The following CRB1 variants were observed in gnomAD, a reference collection of about 807,000 sequenced individuals.
The protein encoded by CRB1 is protein crumbs homolog 1.
A neutral mutation model predicts 120.0 loss-of-function variants in CRB1; 83 were observed. That is an observed-to-expected ratio of 0.69 (90% CI 0.58 to 0.83). The LOEUF (loss-of-function observed/expected upper bound fraction) is 0.83, where lower values mean the gene tolerates loss of function less well. Among genes scored for constraint, CRB1 ranks in the 40% least tolerant of loss-of-function variants. The probability of loss-of-function intolerance (pLI) is 0.00; values close to 1 mark genes in which losing one functional copy is unlikely to be tolerated. For synonymous variants in CRB1, 625 were observed against 612.5 expected, an observed-to-expected ratio of 1.02 and a Z score of -0.30; for missense variants, 1,699 against 1,687.6, an observed-to-expected ratio of 1.01 and a Z score of -0.12.
rs866875342 is a variant in CRB1 at position 197,421,200 on chromosome 1, C to T, written c.1372C>T (p.Pro458Ser). The change falls in exon 6 of 12, where the codon CCT (proline) becomes TCT (serine). Residue 458 changes from proline to serine, a missense_variant. By Grantham distance (74) the Pro-to-Ser change is moderately conservative. Coordinates refer to ENST00000367400, the MANE Select transcript of CRB1 (RefSeq NM_201253.3). ...ATGTCTAAATAATGGAACATGCATC[C>T]CTCACTTCCAAGATGGCCAGCATGG... Reference protein sequence around the residue: ...QQCLNNGTCIPHFQDGQHGFS... With the variant: ...QQCLNNGTCISHFQDGQHGFS... 1 of 1,614,070 alleles carries T rather than the reference C, an allele frequency of 6.2e-7. No individual in the cohort carries two copies. Among genetic ancestry groups the T allele is most frequent in the African/African-American group, 1.3e-5 (1 of 74,926 alleles).
At chr1:197,353,808 T>TAAAA (rs1660247315) in intron 4 of CRB1, among the ~76,000 whole-genome samples, 4 of 108,142 alleles carry the variant, frequency 3.7e-5, no homozygotes, top group Non-Finnish European at 5.8e-5. Flanking sequence ...CTCAAAAATA[T>TAAAA]ATAAATAAAA....
At chr1:197,252,131 A>G in the CRB1 span, among the ~76,000 whole-genome samples, 1 of 151,882 alleles carries the variant, frequency 6.6e-6, no homozygotes, top group Non-Finnish European at 1.5e-5. Context: ...TGTGGGCCCT[A>G]TGGTCTCTAC....
intron 5 of CRB1, among the ~76,000 whole-genome samples, chr1:197,365,299 T>G (rs1661000135): frequency 6.6e-6 from 1 of 152,166 alleles, no homozygotes; most frequent in African/African-American, 2.4e-5. Context: ...CTTCTCCCTG[T>G]CTCTGGGGGT....
At chr1:197,330,628 TCAAATATCACCCAA>T (rs1278146483) in intron 2 of CRB1, among the ~76,000 whole-genome samples, 3 of 152,226 alleles carry the variant, frequency 2.0e-5, no homozygotes, top group Non-Finnish European at 4.4e-5. Flanking sequence ...AAGACCTAGT[TCAAATATCACCCAA>T]CACAAGAAGT....
chr1:197,393,205 A>C (rs891605113), intron 5 of CRB1, among the ~76,000 whole-genome samples: 2 of 152,106 alleles, frequency 1.3e-5, no homozygotes, highest in Non-Finnish European at 2.9e-5. Flanking sequence ...CAGGACCAAA[A>C]AGTACCAAAA....
chr1:197,280,226 A>G (rs1411749762), intron 1 of CRB1, among the ~76,000 whole-genome samples: 2 of 151,864 alleles, frequency 1.3e-5, no homozygotes, highest in Non-Finnish European at 2.9e-5. Context: ...AAACTCTGCA[A>G]ACAGACTTTT....
rs1664643250 is a variant in CRB1 at position 197,427,460 on chromosome 1, T to C, written c.2135T>C (p.Val712Ala). The change falls in exon 7 of 12, where the codon GTG becomes GCG. Residue 712 changes from valine (V) to alanine (A), a missense_variant. Physicochemically the swap from Val to Ala is moderately conservative, Grantham distance 64 (BLOSUM62 0). Coordinates refer to ENST00000367400, the MANE Select transcript of CRB1 (RefSeq NM_201253.3). Reference sequence around the variant, plus strand: ...CTCTATTTTGACATTGAAGAGTATGTGGCAGGCAGATTTGGCCAGGATGAC... The same window carrying C: ...CTCTATTTTGACATTGAAGAGTATGCGGCAGGCAGATTTGGCCAGGATGAC... ...YEGPNCLREY[V>A]AGRFGQDDST... is the part of the protein sequence containing the mutation. The C allele has an allele frequency of 1.2e-6, 2 of 1,613,862 alleles. No individual in the cohort carries two copies. Among genetic ancestry groups the C allele is most frequent in the Non-Finnish European group, 1.7e-6 (2 of 1,179,870 alleles).
At position 197,328,616 on chromosome 1, in the gene CRB1, C is replaced by A; in HGVS notation, c.265C>A (p.Pro89Thr). The change falls in exon 2 of 12, where the codon CCA becomes ACA. Residue 89 changes from proline to threonine, a missense_variant. By Grantham distance (38) the Pro-to-Thr change is conservative. Coordinates refer to ENST00000367400, the MANE Select transcript of CRB1 (RefSeq NM_201253.3). Reference protein sequence around the residue: ...CQGSATCVNTPGERSFLCKCP... With the variant: ...CQGSATCVNTTGERSFLCKCP... ...AGGAAGTGCCACTTGTGTGAACACC[C>A]CAGGAGAAAGGAGCTTTCTGTGCAA... 1 of 1,614,174 alleles carries A rather than the reference C, an allele frequency of 6.2e-7. No homozygotes were observed. Among genetic ancestry groups the A allele is most frequent in the Non-Finnish European group, 8.5e-7 (1 of 1,180,024 alleles).
At chr1:197,318,710 T>C (rs1161606901) in intron 1 of CRB1, among the ~76,000 whole-genome samples, 2 of 152,214 alleles carry the variant, frequency 1.3e-5, no homozygotes, top group Non-Finnish European at 2.9e-5. Flanking sequence ...TGAACCTGGA[T>C]GACATTATGT....
chr1:197,466,149 C>G lies in CRB1; in HGVS notation c.4006-11515C>G, dbSNP rs145720198. ...TGGGACACAGCAGGAGTTGGCACTG[C>G]TACCATCTGGGGTATGTCCTACATT... On this transcript the variant is annotated intron_variant, in intron 11 of 11. Coordinates refer to ENST00000367400, the MANE Select transcript of CRB1 (RefSeq NM_201253.3). Among the ~76,000 whole-genome samples, 467 of 152,284 alleles carry G rather than the reference C, an allele frequency of 3.1e-3. 1 individual carries two copies. Among genetic ancestry groups the G allele is most frequent in the Non-Finnish European group, 4.3e-3 (295 of 68,020 alleles).
chr1:197,316,095 G>A (rs760110601), intron 1 of CRB1, among the ~76,000 whole-genome samples: 1 of 152,116 alleles, frequency 6.6e-6, no homozygotes, highest in Non-Finnish European at 1.5e-5. Flanking sequence ...GGGGACAGGG[G>A]TTTTAAACAT....
chr1:197,452,141 T>C lies in CRB1; in HGVS notation c.4005+9849T>C, dbSNP rs186862348. Among the ~76,000 whole-genome samples, 560 of 152,204 alleles carry C rather than the reference T, an allele frequency of 3.7e-3. 4 individuals are homozygous for C. The highest frequency in any genetic ancestry group is 0.012 in the African/African-American group (482 of 41,526). On this transcript the variant is annotated intron_variant, in intron 11 of 11. Coordinates refer to ENST00000367400, the MANE Select transcript of CRB1 (RefSeq NM_201253.3). The stretch of plus-strand genomic sequence containing the variant: ...CTAAAGCTCAGAGAGAGAGAGTGCT[T>C]TATTTAGACTCTACAAGTATCCCGG...
chr1:197,374,654 C>G (rs1185338377), intron 5 of CRB1, among the ~76,000 whole-genome samples: 1 of 152,176 alleles, frequency 6.6e-6, no homozygotes, highest in African/African-American at 2.4e-5. Context: ...GTTTTACATT[C>G]AATTTCACTT....
At chr1:197,456,071 A>G (rs985928030) in intron 11 of CRB1, among the ~76,000 whole-genome samples, 1 of 152,154 alleles carries the variant, frequency 6.6e-6, no homozygotes, top group African/African-American at 2.4e-5. Context: ...TGTTACTTTT[A>G]TCCACTTCCC....
the CRB1 span, among the ~76,000 whole-genome samples, chr1:197,203,600 T>G: frequency 3.9e-5 from 6 of 152,138 alleles, no homozygotes; most frequent in Admixed American, 2.0e-4. Context: ...GCTGGGATTA[T>G]AGGTGTGAGC....
At chr1:197,310,714 A>G (rs1465985355) in intron 1 of CRB1, among the ~76,000 whole-genome samples, 3 of 152,166 alleles carry the variant, frequency 2.0e-5, no homozygotes, top group South Asian at 2.1e-4. Flanking sequence ...AGCATATTCT[A>G]TCTGGTTCAC....
chr1:197,219,820 T>C, the CRB1 span, among the ~76,000 whole-genome samples: 1 of 152,218 alleles, frequency 6.6e-6, no homozygotes, highest in African/African-American at 2.4e-5. Flanking sequence ...CTTCTTTTAC[T>C]TCCTGTAAGT....
chr1:197,255,978 T>TATAG, the CRB1 span, among the ~76,000 whole-genome samples: 1 of 128,986 alleles, frequency 7.8e-6, no homozygotes, highest in South Asian at 2.6e-4. Context: ...TATATATATA[T>TATAG]ATATATATAT....
At chr1:197,366,864 C>G (rs888472758) in intron 5 of CRB1, among the ~76,000 whole-genome samples, 6 of 152,246 alleles carry the variant, frequency 3.9e-5, no homozygotes, top group African/African-American at 1.4e-4. Flanking sequence ...TAGAATTGAA[C>G]CATGCCTCTA....
Sources: gnomAD v4.1 joint callset for allele counts (sites outside exome capture counted in the v4.1 genomes callset) on GRCh38, gnomAD v4.1.1 for gene constraint, MANE v1.5 for transcripts, NCBI Gene and HGNC (gene_info 2026-07-23, HGNC 2026-07-21) for gene names.